Variants in CDK14 observed in about 807,000 individuals in gnomAD.
CDK14 encodes cyclin-dependent kinase 14.
In CDK14, 34 loss-of-function variants were observed where a neutral mutation model predicts 60.7. The observed-to-expected ratio is 0.56, with a 90% confidence interval of 0.43 to 0.75. The LOEUF is 0.75. CDK14 is among the 30% of genes least tolerant of loss of function. The pLI, the probability that CDK14 is intolerant of heterozygous loss-of-function variation, is 0.00. For missense variants in CDK14, 482 were observed against 564.1 expected (o/e 0.85, Z 1.47); for synonymous variants, 197 against 203.7 (o/e 0.97, Z 0.28).
intron 2 of CDK14, among the ~76,000 whole-genome samples, chr7:90,670,359 A>G (rs534707632): frequency 3.9e-4 from 59 of 152,352 alleles, no homozygotes; most frequent in African/African-American, 1.4e-3. Flanking sequence ...CCAAAGTCAC[A>G]TAGGACTGAA....
At chr7:91,039,129 A>G (rs1797012800) in intron 10 of CDK14, among the ~76,000 whole-genome samples, 1 of 152,022 alleles carries the variant, frequency 6.6e-6, no homozygotes, top group Non-Finnish European at 1.5e-5. Flanking sequence ...GCGCCCAGTC[A>G]CTTTTGAAGT....
chr7:90,792,332 C>A (rs1005916497), intron 5 of CDK14, among the ~76,000 whole-genome samples: 1 of 152,062 alleles, frequency 6.6e-6, no homozygotes, highest in Non-Finnish European at 1.5e-5. Context: ...ATCTCCATTT[C>A]ATATATCCAC....
chr7:90,809,094 C>T (rs979347028), intron 5 of CDK14, among the ~76,000 whole-genome samples: 2 of 151,808 alleles, frequency 1.3e-5, no homozygotes, highest in African/African-American at 4.8e-5. Context: ...TATCCAGGAA[C>T]TGAACTCAGC....
At chr7:90,950,256 A>G (rs1482096442) in intron 8 of CDK14, among the ~76,000 whole-genome samples, 1 of 151,898 alleles carries the variant, frequency 6.6e-6, no homozygotes, top group Non-Finnish European at 1.5e-5. Flanking sequence ...TTTTATTTTC[A>G]ATAGACACGG....
chr7:90,651,310 C>G (rs757036920), intron 2 of CDK14, among the ~76,000 whole-genome samples: 2 of 152,106 alleles, frequency 1.3e-5, no homozygotes, highest in Non-Finnish European at 2.9e-5. Flanking sequence ...TAACCAAGAT[C>G]TAAGTGGCAA....
intron 14 of CDK14, among the ~76,000 whole-genome samples, chr7:91,148,276 G>A (rs1425487244): frequency 1.3e-5 from 2 of 152,024 alleles, no homozygotes; most frequent in African/African-American, 4.8e-5. Context: ...TCCCAGCTGA[G>A]GTGGGGAAAT....
chr7:91,025,766 G>C (rs760580653), intron 10 of CDK14, among the ~76,000 whole-genome samples: 8 of 152,022 alleles, frequency 5.3e-5, no homozygotes, highest in Non-Finnish European at 1.0e-4. Context: ...AGCAGTATGG[G>C]AAAAAAAGAG....
chr7:90,667,886 G>A (rs55698596), intron 2 of CDK14, among the ~76,000 whole-genome samples: 7,270 of 152,108 alleles, frequency 0.048, 207 homozygotes, highest in Non-Finnish European at 0.055. Context: ...TCTTTTTATA[G>A]CTTTATATTC....
chr7:90,934,115 G>A (rs992700094), intron 8 of CDK14, among the ~76,000 whole-genome samples: 2 of 152,214 alleles, frequency 1.3e-5, no homozygotes, highest in African/African-American at 4.8e-5. Flanking sequence ...ATGTGCCCCT[G>A]GAAAGGCGGT....
chr7:91,067,285 A>C (rs1464382632), intron 11 of CDK14, among the ~76,000 whole-genome samples: 2 of 152,192 alleles, frequency 1.3e-5, no homozygotes, highest in African/African-American at 2.4e-5. Context: ...ATTTTATTCT[A>C]ATTATAAATG....
intron 7 of CDK14, among the ~76,000 whole-genome samples, chr7:90,904,440 AT>A (rs1458475752): frequency 6.6e-6 from 1 of 152,296 alleles, no homozygotes; most frequent in Non-Finnish European, 1.5e-5. Context: ...ATGTGGTATT[AT>A]TTTTGAGAAG....
chr7:91,089,680 A>G (rs1302435883), intron 12 of CDK14, among the ~76,000 whole-genome samples: 1 of 152,068 alleles, frequency 6.6e-6, no homozygotes, highest in Non-Finnish European at 1.5e-5. Flanking sequence ...TAGAGAAGCC[A>G]GAGCTGCCCC....
At chr7:90,599,724 C>G (rs13234217) in intron 1 of CDK14, among the ~76,000 whole-genome samples, 2 of 151,480 alleles carry the variant, frequency 1.3e-5, no homozygotes, top group Non-Finnish European at 2.9e-5. Context: ...TCTCTTTAAC[C>G]AATCTAAGCT....
At chr7:90,996,839 A>C (rs1401187703) in intron 10 of CDK14, among the ~76,000 whole-genome samples, 1 of 152,224 alleles carries the variant, frequency 6.6e-6, no homozygotes, top group Non-Finnish European at 1.5e-5. Context: ...ATTGTCAGTG[A>C]ATCTGAGTCT....
At chr7:90,874,425 A>G (rs369600615) in intron 6 of CDK14, among the ~76,000 whole-genome samples, 15 of 150,168 alleles carry the variant, frequency 1.0e-4, no homozygotes, top group African/African-American at 3.7e-4. Flanking sequence ...TTTTATGATA[A>G]AGTGAAAAAG....
intron 11 of CDK14, among the ~76,000 whole-genome samples, chr7:91,056,881 G>T (rs1797588291): frequency 6.6e-6 from 1 of 152,170 alleles, no homozygotes; most frequent in Admixed American, 6.5e-5. Context: ...GTGTGTACGT[G>T]TCTTTATAGC....
chr7:91,101,195 AC>A (rs1283762206), intron 12 of CDK14, among the ~76,000 whole-genome samples: 6 of 152,152 alleles, frequency 3.9e-5, no homozygotes, highest in Non-Finnish European at 7.3e-5. Context: ...TAATCTAATA[AC>A]CCCTTTACCA....
At chr7:91,143,583 T>C (rs1167520391) in intron 14 of CDK14, among the ~76,000 whole-genome samples, 1 of 151,914 alleles carries the variant, frequency 6.6e-6, no homozygotes, top group East Asian at 1.9e-4. Context: ...TAGCCAGGCG[T>C]GGTAGTGCTC....
chr7:90,711,748 A>G (rs554426132), intron 2 of CDK14, among the ~76,000 whole-genome samples: 1 of 152,160 alleles, frequency 6.6e-6, no homozygotes, highest in East Asian at 1.9e-4. Context: ...TTTCTCATGG[A>G]TAGTCAGTTT....
Sources: allele counts gnomAD v4.1 joint callset (sites outside exome capture counted in the v4.1 genomes callset), GRCh38; gene constraint gnomAD v4.1.1; transcripts MANE v1.5; gene names NCBI Gene and HGNC (gene_info 2026-07-23, HGNC 2026-07-21).